PAFAH2: variants seen among roughly 807,000 people sequenced by gnomAD.
PAFAH2 encodes platelet-activating factor acetylhydrolase 2, cytoplasmic.
Under a neutral mutation model 49.0 loss-of-function variants are expected in PAFAH2, and 42 were observed. The ratio of observed to expected loss-of-function variants is 0.86; its 90% CI spans 0.67 to 1.11. PAFAH2 has a LOEUF of 1.11. PAFAH2 is among the 50% of genes least tolerant of loss of function. The pLI is 0.00. For missense variants in PAFAH2, 503 were observed against 501.8 expected, an observed-to-expected ratio of 1.00 and a Z score of -0.02; for synonymous variants, 184 against 181.3, an observed-to-expected ratio of 1.01 and a Z score of -0.12.
At chr1:25,974,758 G>A in intron 8 of PAFAH2, 108 bp from the exon 9 acceptor site, 1 of 1,036,492 alleles carries the variant, frequency 9.6e-7, no homozygotes, top group Non-Finnish European at 1.4e-6. Flanking sequence ...TAAAGGCTCA[G>A]AAAGCCAGGA....
At chr1:25,974,769 G>A (rs550319170) in intron 8 of PAFAH2, 119 bp from the exon 9 acceptor site, 2 of 889,636 alleles carry the variant, frequency 2.2e-6, no homozygotes, top group African/African-American at 1.7e-5. Context: ...AAAGCCAGGA[G>A]GGGGGTACCA....
intron 7 of PAFAH2, among the ~76,000 whole-genome samples, chr1:25,977,809 T>C (rs1572351109): frequency 6.6e-6 from 1 of 152,198 alleles, no homozygotes; most frequent in Admixed American, 6.5e-5. Context: ...CCATGACACA[T>C]GGACTGAGCT....
Position 25,967,021 on chromosome 1 carries a change from G to GA in PAFAH2, c.1085-4939dup, listed in dbSNP as rs377698598. ...CACTCCAGTCTGGGCGACAGAGTGAGACGCCTTCTCAAAAAAAAAAAAAAA... is the reference window on the plus strand; with the variant it reads ...CACTCCAGTCTGGGCGACAGAGTGAGAACGCCTTCTCAAAAAAAAAAAAAAA... On this transcript the variant is annotated intron_variant, in intron 10 of 10. Transcript: ENST00000374282. Among the ~76,000 whole-genome samples the GA allele has an allele frequency of 2.2e-3, 264 of 119,386 alleles. 1 individual carries two copies. The highest frequency in any genetic ancestry group is 7.2e-3 in the African/African-American group (252 of 34,816). The allele number at this position is 119,386 out of a possible 152,430, so 78.3% of individuals were successfully genotyped here. A position where few individuals can be genotyped will look rare whatever the true frequency, so the allele number is the denominator to read the frequency against.
At position 25,989,350 on chromosome 1, in the gene PAFAH2, G is replaced by A. The variant is rs573031084; in HGVS notation, c.244+98C>T. On this transcript the variant is annotated intron_variant, in intron 3 of 10. Transcript: ENST00000374282. Reference sequence around the variant, plus strand: ...TAATGGATGCCCCTTACAAAAGCCTGGACACTGCAGGCTATAAGGTACTGC... The same window carrying A: ...TAATGGATGCCCCTTACAAAAGCCTAGACACTGCAGGCTATAAGGTACTGC... 1,915 of 1,171,576 alleles carry A rather than the reference G, an allele frequency of 1.6e-3. 6 individuals are homozygous for A. The highest frequency in any genetic ancestry group is 2.1e-3 in the Non-Finnish European group (1,799 of 870,668). The allele number at this position is 1,171,576 out of a possible 1,614,324, so 72.6% of individuals were successfully genotyped here.
chr1:25,974,194 C>T (rs757403830), intron 9 of PAFAH2, among the ~76,000 whole-genome samples: 8 of 152,222 alleles, frequency 5.3e-5, no homozygotes, highest in Admixed American at 2.0e-4. Context: ...TCCAAACCCA[C>T]ACCACTTCCT....
intron 6 of PAFAH2, 146 bp from the exon 7 acceptor site, chr1:25,982,623 G>C: frequency 1.6e-6 from 1 of 622,546 alleles, no homozygotes; most frequent in Non-Finnish European, 2.9e-6. Flanking sequence ...GTCCTGAGAA[G>C]GCTCAGCTAC....
chr1:25,997,165 T>C (rs2049947976), intron 1 of PAFAH2, among the ~76,000 whole-genome samples: 1 of 152,224 alleles, frequency 6.6e-6, no homozygotes, highest in Non-Finnish European at 1.5e-5. Flanking sequence ...TCTCTTGTGC[T>C]TCCTTTCAGA....
chr1:25,974,631 C>G lies in PAFAH2; in HGVS notation c.778G>C (p.Ala260Pro). 1 of 1,613,760 alleles carries G rather than the reference C, an allele frequency of 6.2e-7. No individual in the cohort carries two copies. The highest frequency in any genetic ancestry group is 8.5e-7 in the Non-Finnish European group (1 of 1,179,814). Residue 260 changes from alanine to proline, a missense_variant, in exon 9 of 11, where the codon GCT (alanine) becomes CCT (proline). Transcript: ENST00000374282. ...TCACGTTCCAGAGGAAACATCCAAG[C>G]ATCCAGAGCCACCGCACACCTGGAA... ...TQFRCAVALD[A>P]WMFPLERDFY...
At chr1:25,985,848 C>T (rs755950689) in intron 4 of PAFAH2, among the ~76,000 whole-genome samples, 1 of 152,242 alleles carries the variant, frequency 6.6e-6, no homozygotes, top group Admixed American at 6.5e-5. Flanking sequence ...GATGCGATTT[C>T]CTCGATTTGT....
intron 1 of PAFAH2, among the ~76,000 whole-genome samples, chr1:25,994,450 T>C (rs947561677): frequency 1.3e-5 from 2 of 152,122 alleles, no homozygotes; most frequent in African/African-American, 2.4e-5. Context: ...TTTCTTATCT[T>C]ATGCAAGTTA....
Position 25,984,517 on chromosome 1 carries a change from G to A in PAFAH2, c.353C>T (p.Ser118Leu). 1 of 1,613,436 alleles carries A rather than the reference G, an allele frequency of 6.2e-7. No individual in the cohort carries two copies. Residue 118 changes from serine to leucine, a missense_variant, in exon 5 of 11, where the codon TCA (serine) becomes TTA (leucine). Physicochemically the swap from Ser to Leu is moderately radical, Grantham distance 145 (BLOSUM62 -2). Coordinates refer to ENST00000374282, the MANE Select transcript of PAFAH2 (RefSeq NM_000437.4). ...TGAGGCCAGCTCCATGCAGAAGGCT[G>A]AATACAAAGTCCTGGAGATTCAAAA... ...HGLGAFRTLY[S>L]AFCMELASRG...
At chr1:25,962,760 G>A (rs554146864) in intron 10 of PAFAH2, among the ~76,000 whole-genome samples, 4 of 151,762 alleles carry the variant, frequency 2.6e-5, no homozygotes, top group South Asian at 2.1e-4. Context: ...AGGAGTTGGC[G>A]GCAGTGAGCT....
At chr1:25,995,753 T>C (rs984431164) in intron 1 of PAFAH2, among the ~76,000 whole-genome samples, 2 of 152,242 alleles carry the variant, frequency 1.3e-5, no homozygotes, top group Non-Finnish European at 2.9e-5. Flanking sequence ...GGCACACTTA[T>C]GCCTCATCTC....
At chr1:25,966,067 A>C (rs559324193) in intron 10 of PAFAH2, among the ~76,000 whole-genome samples, 4 of 150,100 alleles carry the variant, frequency 2.7e-5, no homozygotes, top group African/African-American at 9.7e-5. Flanking sequence ...TTAAAACCAC[A>C]ATGAGATACT....
Position 25,984,083 on chromosome 1 carries a change from G to T in PAFAH2, c.415C>A (p.Arg139=). ...CAGAAATAGGTGGTTGCCGCTGACC[G>T]GTCCCTGAAATACACACATCATCAG... is the stretch of plus-strand genomic sequence containing the variant. ...FVVAVPEHRD[R]SAATTYFCKQ... Residue 139 remains arginine (R), a synonymous_variant, in exon 6 of 11, where the codon CGG becomes AGG. Coordinates refer to ENST00000374282, the MANE Select transcript of PAFAH2 (RefSeq NM_000437.4). 2 of 1,613,896 alleles carry T rather than the reference G, an allele frequency of 1.2e-6. No homozygotes were observed. The highest frequency in any genetic ancestry group is 1.7e-6 in the Non-Finnish European group (2 of 1,179,900).
rs766782302 is a variant in PAFAH2, at chr1:25,961,932, TG to T, written c.*56del. ...CTTGATAGGAGCTCATGGGTGCCCT[TG>T]GGTAGCTCCCAAATGAAAACTTGGC... On this transcript the variant is annotated 3_prime_UTR_variant, in exon 11 of 11. Transcript: ENST00000374282. The T allele has an allele frequency of 9.9e-5, 133 of 1,347,684 alleles. No individual in the cohort carries two copies. The highest frequency in any genetic ancestry group is 1.4e-4 in the Non-Finnish European group (129 of 941,174). 83.5% of individuals were successfully genotyped at this position (1,347,684 alleles called of 1,614,324 possible).
At chr1:25,988,474 C>T (rs1195392618) in intron 3 of PAFAH2, 147 bp from the exon 4 acceptor site, 1 of 602,624 alleles carries the variant, frequency 1.7e-6, no homozygotes, top group Non-Finnish European at 2.9e-6. Flanking sequence ...CAGTTAATCA[C>T]CTATTTCTTC....
chr1:25,997,036 G>A (rs1404944123), intron 1 of PAFAH2, among the ~76,000 whole-genome samples: 1 of 152,230 alleles, frequency 6.6e-6, no homozygotes, highest in Non-Finnish European at 1.5e-5. Context: ...ATGGGGCTTA[G>A]GTTGCAGCTG....
chr1:25,963,691 C>T (rs1180853144), intron 10 of PAFAH2, among the ~76,000 whole-genome samples: 1 of 152,156 alleles, frequency 6.6e-6, no homozygotes, highest in Non-Finnish European at 1.5e-5. Context: ...TTAGTAGAGA[C>T]GAGGTTTCAC....
Sources: allele counts gnomAD v4.1 joint callset (sites outside exome capture counted in the v4.1 genomes callset), GRCh38; gene constraint gnomAD v4.1.1; transcripts MANE v1.5; gene names NCBI Gene and HGNC (gene_info 2026-07-23, HGNC 2026-07-21).